Variants in UGT3A1 observed in about 807,000 individuals in gnomAD.
UGT3A1 encodes the protein UDP-glycosyltransferase 3A1.
A neutral mutation model predicts 37.6 loss-of-function variants in UGT3A1; 40 were observed. The ratio of observed to expected loss-of-function variants is 1.06; its 90% CI spans 0.83 to 1.38. The LOEUF is 1.38. UGT3A1 is among the 40% of genes most tolerant of loss of function. UGT3A1 has a pLI of 0.00. For synonymous variants in UGT3A1, 256 were observed against 232.3 expected, an observed-to-expected ratio of 1.10 and a Z score of -0.93; for missense variants, 642 against 634.2, an observed-to-expected ratio of 1.01 and a Z score of -0.13.
At chr5:35,985,276 A>G (rs181579963) in intron 2 of UGT3A1, among the ~76,000 whole-genome samples, 1 of 152,086 alleles carries the variant, frequency 6.6e-6, no homozygotes, top group East Asian at 1.9e-4. Context: ...TAAAATGCCA[A>G]TACTACCTAA....
At chr5:35,979,917 G>C (rs1460430550) in intron 2 of UGT3A1, among the ~76,000 whole-genome samples, 2 of 152,208 alleles carry the variant, frequency 1.3e-5, no homozygotes, top group Non-Finnish European at 2.9e-5. Context: ...CTTGTGCAGG[G>C]AGACTCCCCT....
chr5:36,000,973 A>G (rs1741211299), exon 1 of UGT3A1: 1 of 152,196 alleles, frequency 6.6e-6, no homozygotes, highest in South Asian at 2.1e-4. Context: ...CCTACTGGAT[A>G]TGTGGACTCA....
intron 2 of UGT3A1, among the ~76,000 whole-genome samples, chr5:35,983,201 GA>G (rs1740598657): frequency 6.6e-6 from 1 of 151,332 alleles, no homozygotes; most frequent in African/African-American, 2.4e-5. Context: ...ATCAGAAACA[GA>G]AAAAAAGATA....
At position 35,968,111 on chromosome 5, in the gene UGT3A1, T is replaced by C. The variant is rs1182209380; in HGVS notation, c.219A>G (p.Ser73=). The C allele has an allele frequency of 6.2e-7, 1 of 1,612,368 alleles. No individual in the cohort carries two copies. Among genetic ancestry groups the C allele is most frequent in the Non-Finnish European group, 8.5e-7 (1 of 1,179,332 alleles). ...GTGAAAACCACCTGATAACTTGGTA[T>C]GATTTTTCCTCCTCTTTAATATCTA... ...LIPDIKEEEK[S]YQVIRWFSPE... is the part of the protein sequence containing the mutation. The change falls in exon 3 of 7, where the codon TCA becomes TCG. Residue 73 remains serine (S), a synonymous_variant. Transcript: ENST00000274278.
In UGT3A1 at chr5:35,982,533, G is replaced by C. The variant is rs1172835376; in HGVS notation, c.196+5917C>G. Among the ~76,000 whole-genome samples, 4 of 152,180 alleles carry C rather than the reference G, an allele frequency of 2.6e-5. 1 individual carries two copies. In the East Asian group the frequency reaches 7.7e-4, roughly 29 times the overall value. ...TTGTTTAGGACAATTTCTCCCATTT[G>C]GAATGGGAATATTTACCTAATGCCT... On this transcript the variant is annotated intron_variant, in intron 2 of 6. Coordinates refer to ENST00000274278, the MANE Select transcript of UGT3A1 (RefSeq NM_152404.4).
At position 35,954,396 on chromosome 5, in the gene UGT3A1, C is replaced by A. The variant is rs529749983; in HGVS notation, c.1378G>T (p.Asp460Tyr). 5.6e-6 allele frequency: 9 copies of A among 1,614,196 alleles called. No individual in the cohort carries two copies. The Admixed American group carries it at 1.0e-4, about 18-fold the overall frequency. Reference protein sequence around the residue: ...SPAQRLVGWIDHILQTGGATH... With the variant: ...SPAQRLVGWIYHILQTGGATH... ...GCTCCCCCAGTCTGGAGGATGTGGT[C>A]GATCCAGCCCACCAGCCGCTGTGCG... The change falls in exon 7 of 7, where the codon GAC becomes TAC. Residue 460 changes from aspartate to tyrosine, a missense_variant. By Grantham distance (160) the Asp-to-Tyr change is radical (BLOSUM62 -3). Transcript: ENST00000274278.
upstream of UGT3A1, among the ~76,000 whole-genome samples, chr5:35,993,215 C>G (rs1741003487): frequency 6.6e-6 from 1 of 152,078 alleles, no homozygotes; most frequent in Non-Finnish European, 1.5e-5. Context: ...CCTGTAATCC[C>G]AGCACTTTTG....
intron 1 of UGT3A1, among the ~76,000 whole-genome samples, chr5:35,989,947 C>T (rs1390253599): frequency 1.3e-5 from 2 of 152,004 alleles, no homozygotes; most frequent in Admixed American, 6.6e-5. Context: ...ATTAGCTGGG[C>T]GTGGTGGCGG....
chr5:35,979,983 G>A (rs1224324189), intron 2 of UGT3A1, among the ~76,000 whole-genome samples: 1 of 152,170 alleles, frequency 6.6e-6, no homozygotes, highest in Non-Finnish European at 1.5e-5. Context: ...AATAGCACAG[G>A]AAAGACCTGT....
chr5:35,988,429 A>C (rs1740807681), intron 2 of UGT3A1, 21 bp downstream of exon 2: 1 of 1,545,712 alleles, frequency 6.5e-7, no homozygotes, highest in South Asian at 1.2e-5. Context: ...GAATATAAAA[A>C]TTAGTTTTTA....
intron 3 of UGT3A1, among the ~76,000 whole-genome samples, chr5:35,966,934 T>A (rs1303471049): frequency 6.6e-6 from 1 of 152,218 alleles, no homozygotes; most frequent in Admixed American, 6.5e-5. Context: ...TTATCCACTA[T>A]TTCATTTTTT....
rs181408664 is a variant in UGT3A1 at position 35,997,084 on chromosome 5, T to G, written c.-69+155A>C. On this transcript the variant is annotated intron_variant, in intron 2 of 5. Transcript: ENST00000625798. ...TCTGAAAAAGGGGCTCATTATTTCCTGCACAAGCCTCTGCAATAGCCCTAT... is the reference window on the plus strand; with the variant it reads ...TCTGAAAAAGGGGCTCATTATTTCCGGCACAAGCCTCTGCAATAGCCCTAT... Among the ~76,000 whole-genome samples the G allele has an allele frequency of 2.9e-3, 445 of 152,332 alleles. 1 individual carries two copies. The highest frequency in any genetic ancestry group is 5.2e-3 in the Non-Finnish European group (354 of 68,042).
At chr5:35,958,298 A>G (rs1360480670) in intron 4 of UGT3A1, among the ~76,000 whole-genome samples, 2 of 152,176 alleles carry the variant, frequency 1.3e-5, no homozygotes, top group African/African-American at 4.8e-5. Context: ...CTAATGCCCT[A>G]AAACTTAGCT....
At chr5:35,982,925 T>C (rs1740585395) in intron 2 of UGT3A1, among the ~76,000 whole-genome samples, 1 of 152,118 alleles carries the variant, frequency 6.6e-6, no homozygotes, top group Admixed American at 6.6e-5. Context: ...GATCTGGATG[T>C]TTGAAAATGT....
chr5:35,965,347 C>G, intron 4 of UGT3A1, 39 bp downstream of exon 4: 1 of 1,596,506 alleles, frequency 6.3e-7, no homozygotes, highest in Non-Finnish European at 8.5e-7. Flanking sequence ...CCCAAGGACT[C>G]TATGTGAATC....
At chr5:35,956,480 T>C (rs907071836) in intron 5 of UGT3A1, among the ~76,000 whole-genome samples, 6 of 152,238 alleles carry the variant, frequency 3.9e-5, no homozygotes, top group African/African-American at 1.4e-4. Context: ...TGTATCTTAA[T>C]TTACCAAGCT....
intron 1 of UGT3A1, 190 bp downstream of exon 1, chr5:35,990,956 CT>C (rs1740922983): frequency 1.4e-6 from 2 of 1,478,644 alleles, no homozygotes; most frequent in African/African-American, 1.4e-5. Flanking sequence ...CAAAAACTGT[CT>C]TCCTCACCTC....
chr5:35,975,539 A>T (rs979190774), intron 2 of UGT3A1, among the ~76,000 whole-genome samples: 7 of 152,324 alleles, frequency 4.6e-5, no homozygotes, highest in African/African-American at 1.7e-4. Flanking sequence ...CACAGCATTG[A>T]CTCTGACAAA....
intron 2 of UGT3A1, among the ~76,000 whole-genome samples, chr5:35,987,330 G>A (rs138449343): frequency 6.6e-6 from 1 of 152,088 alleles, no homozygotes; most frequent in Non-Finnish European, 1.5e-5. Flanking sequence ...AAAGATTGAG[G>A]AATACTGAAA....
Sources: allele counts gnomAD v4.1 joint callset (sites outside exome capture counted in the v4.1 genomes callset), GRCh38; gene constraint gnomAD v4.1.1; transcripts MANE v1.5; gene names NCBI Gene and HGNC (gene_info 2026-07-23, HGNC 2026-07-21).